The following CHRM2 variants were observed in gnomAD, a reference collection of about 807,000 sequenced individuals.
The protein encoded by CHRM2 is cholinergic receptor muscarinic 2.
Under a neutral mutation model 25.0 loss-of-function variants are expected in CHRM2, and 8 were observed. That is an observed-to-expected ratio of 0.32 (90% CI 0.19 to 0.58). The LOEUF is 0.58. CHRM2 is among the 20% of genes least tolerant of loss of function. The probability of loss-of-function intolerance (pLI) is 0.88; values close to 1 mark genes in which losing one functional copy is unlikely to be tolerated. For missense variants in CHRM2, 440 were observed against 567.1 expected, an observed-to-expected ratio of 0.78 and a Z score of 2.28; for synonymous variants, 202 against 205.7, an observed-to-expected ratio of 0.98 and a Z score of 0.15.
chr7:136,949,148 T>C (rs967859145), intron 2 of CHRM2, among the ~76,000 whole-genome samples: 1 of 152,060 alleles, frequency 6.6e-6, no homozygotes, highest in Non-Finnish European at 1.5e-5. Flanking sequence ...GCCTGTAATA[T>C]AGAAGGAAAA....
intron 2 of CHRM2, among the ~76,000 whole-genome samples, chr7:136,944,919 T>C (rs1214725132): frequency 6.6e-6 from 1 of 152,126 alleles, no homozygotes; most frequent in Non-Finnish European, 1.5e-5. Context: ...ATCTTTTTTT[T>C]ACCTTTTTTG....
chr7:136,997,512 C>T (rs899546095), intron 3 of CHRM2, among the ~76,000 whole-genome samples: 8 of 152,052 alleles, frequency 5.3e-5, no homozygotes, highest in Admixed American at 2.6e-4. Flanking sequence ...AATGTCCAAA[C>T]GCAGATGAAG....
chr7:136,983,536 C>A (rs1014187649), intron 2 of CHRM2, among the ~76,000 whole-genome samples: 3 of 152,112 alleles, frequency 2.0e-5, no homozygotes, highest in South Asian at 2.1e-4. Flanking sequence ...AATGTTCAGC[C>A]TTTTTGCACT....
intron 3 of CHRM2, among the ~76,000 whole-genome samples, chr7:136,994,121 T>C (rs958846065): frequency 6.6e-6 from 1 of 152,154 alleles, no homozygotes; most frequent in Non-Finnish European, 1.5e-5. Context: ...GTACCTGCTC[T>C]CATGCTCCAA....
intron 2 of CHRM2, among the ~76,000 whole-genome samples, chr7:136,946,912 C>T (rs1800103970): frequency 6.6e-6 from 1 of 152,142 alleles, no homozygotes; most frequent in Non-Finnish European, 1.5e-5. Flanking sequence ...GCATCTAGGT[C>T]TTCAGTTACA....
chr7:136,886,533 T>C (rs1584697721), intron 2 of CHRM2, among the ~76,000 whole-genome samples: 1 of 152,170 alleles, frequency 6.6e-6, no homozygotes, highest in African/African-American at 2.4e-5. Context: ...CATCATCTGG[T>C]ATGGATTTAG....
At position 137,020,151 on chromosome 7, in the gene CHRM2, T is replaced by C. The variant is rs1373028083; in HGVS notation, c.*3885T>C. 1 of 145,854 alleles carries C rather than the reference T, an allele frequency of 6.9e-6. No homozygotes were observed. Among genetic ancestry groups the C allele is most frequent in the East Asian group, 1.9e-4 (1 of 5,146 alleles). 9.0% of individuals were successfully genotyped at this position (145,854 alleles called of 1,614,324 possible). On this transcript the variant is annotated 3_prime_UTR_variant, in exon 4 of 4. Coordinates refer to ENST00000680005, the MANE Select transcript of CHRM2 (RefSeq NM_001006630.2). ...ATATTTAATGTATCTTCCTGGAATATGCTATGTGCTAAATATATATATATT... is the reference window on the plus strand; with the variant it reads ...ATATTTAATGTATCTTCCTGGAATACGCTATGTGCTAAATATATATATATT...
chr7:136,948,080 C>G (rs2130843755), intron 2 of CHRM2, among the ~76,000 whole-genome samples: 1 of 152,268 alleles, frequency 6.6e-6, no homozygotes, highest in Non-Finnish European at 1.5e-5. Flanking sequence ...CAACAGTTAA[C>G]TGTGCTGCTG....
At chr7:136,916,709 C>T (rs956358820) in intron 2 of CHRM2, among the ~76,000 whole-genome samples, 1 of 150,710 alleles carries the variant, frequency 6.6e-6, no homozygotes, top group African/African-American at 2.4e-5. Context: ...TTTTTATAAA[C>T]AGCCACTGAA....
At chr7:136,895,624 C>T (rs1004893279) in intron 2 of CHRM2, among the ~76,000 whole-genome samples, 1 of 152,064 alleles carries the variant, frequency 6.6e-6, no homozygotes, top group Non-Finnish European at 1.5e-5. Flanking sequence ...TTAGCTTATC[C>T]ATCTCCTCTC....
intron 3 of CHRM2, among the ~76,000 whole-genome samples, chr7:137,003,488 A>G (rs1322825103): frequency 0.1 from 720 of 6,910 alleles, 12 homozygotes; most frequent in African/African-American, 0.32. Context: ...ACACACACAC[A>G]CACACACACA....
rs527929518 is a variant in CHRM2, at chr7:136,920,190, G to GT, written c.-125+50778dup. Among the ~76,000 whole-genome samples the GT allele has an allele frequency of 2.0e-3, 308 of 152,112 alleles. 2 individuals carry two copies. The highest frequency in any genetic ancestry group is 7.1e-3 in the African/African-American group (295 of 41,504). On this transcript the variant is annotated intron_variant, in intron 2 of 3. Coordinates refer to ENST00000680005, the MANE Select transcript of CHRM2 (RefSeq NM_001006630.2). ...TTTTCAGGTTTTTTCATCTTTTCCT[G>GT]TTTTTTCAGGCTCTTGTCAGCTGTT...
chr7:136,929,737 G>A (rs528533927), intron 2 of CHRM2, among the ~76,000 whole-genome samples: 1 of 152,140 alleles, frequency 6.6e-6, no homozygotes, highest in African/African-American at 2.4e-5. Flanking sequence ...GAGCAACACA[G>A]GAAAATAGAG....
chr7:136,917,206 T>C (rs1333399354), intron 2 of CHRM2, among the ~76,000 whole-genome samples: 3 of 151,768 alleles, frequency 2.0e-5, no homozygotes, highest in African/African-American at 7.3e-5. Flanking sequence ...GTCCGCTTAC[T>C]ATTAATACCT....
chr7:136,970,264 C>A (rs1801675015), intron 2 of CHRM2, among the ~76,000 whole-genome samples: 1 of 152,098 alleles, frequency 6.6e-6, no homozygotes, highest in Non-Finnish European at 1.5e-5. Context: ...CTCTTTATCT[C>A]TTTTTGTCTC....
At chr7:136,983,853 C>T (rs544016771) in intron 2 of CHRM2, among the ~76,000 whole-genome samples, 1 of 152,284 alleles carries the variant, frequency 6.6e-6, no homozygotes, top group East Asian at 1.9e-4. Flanking sequence ...CAGAGCTCTC[C>T]TGTATGAGGT....
chr7:136,935,080 G>C (rs1799333830), intron 2 of CHRM2, among the ~76,000 whole-genome samples: 1 of 152,102 alleles, frequency 6.6e-6, no homozygotes, highest in South Asian at 2.1e-4. Context: ...TTTAGATTCA[G>C]TGCAATTCTG....
chr7:136,988,435 G>A (rs1238606563), intron 2 of CHRM2, among the ~76,000 whole-genome samples: 1 of 152,010 alleles, frequency 6.6e-6, no homozygotes, highest in Non-Finnish European at 1.5e-5. Flanking sequence ...ATTATCTGCT[G>A]GCCTATATGT....
rs556500749 is a variant in CHRM2 at position 136,974,936 on chromosome 7, G to A, written c.-124-17251G>A. On this transcript the variant is annotated intron_variant, in intron 2 of 3. Transcript: ENST00000680005. ...ATAGTGATGGTAGTAATGCAATGGT[G>A]GCAACTAATATATAGAATATAAAAG... Among the ~76,000 whole-genome samples the A allele has an allele frequency of 5.9e-5, 9 of 152,178 alleles. No homozygotes were observed. In the East Asian group the frequency reaches 1.7e-3, roughly 29 times the overall value.
Sources: gnomAD v4.1 joint callset for allele counts (sites outside exome capture counted in the v4.1 genomes callset) on GRCh38, gnomAD v4.1.1 for gene constraint, MANE v1.5 for transcripts, NCBI Gene and HGNC (gene_info 2026-07-23, HGNC 2026-07-21) for gene names.